Variants in PARD3B observed in about 807,000 individuals in gnomAD.
PARD3B encodes the protein par-3 family cell polarity regulator beta, also known as partitioning defective 3 homolog B.
Under a neutral mutation model 130.2 loss-of-function variants are expected in PARD3B, and 103 were observed. The observed-to-expected ratio is 0.79, with a 90% CI of 0.67 to 0.93. The LOEUF is 0.93. PARD3B is among the 40% of genes least tolerant of loss of function. The probability of loss-of-function intolerance (pLI) is 0.00; values close to 1 mark genes in which losing one functional copy is unlikely to be tolerated. For missense variants in PARD3B, 1,609 were observed against 1,499.2 expected (o/e 1.07, Z -1.21); for synonymous variants, 583 against 553.2 (o/e 1.05, Z -0.76).
intron 3 of PARD3B, among the ~76,000 whole-genome samples, chr2:205,039,368 G>T (rs1698234881): frequency 6.6e-6 from 1 of 152,134 alleles, no homozygotes; most frequent in Non-Finnish European, 1.5e-5. Flanking sequence ...GTGACCATGG[G>T]TTGATGTTTT....
chr2:205,054,436 A>ATTTTTTTT (rs769918623), intron 4 of PARD3B, among the ~76,000 whole-genome samples: 2 of 28,438 alleles, frequency 7.0e-5, no homozygotes, highest in South Asian at 2.7e-3. Context: ...ATATATATAT[A>ATTTTTTTT]TTTTTTTTTT....
chr2:204,854,978 T>C (rs2044863621), intron 2 of PARD3B, among the ~76,000 whole-genome samples: 1 of 152,052 alleles, frequency 6.6e-6, no homozygotes, highest in Non-Finnish European at 1.5e-5. Flanking sequence ...ATGCGCTGAA[T>C]TTTATAGTCA....
intron 2 of PARD3B, among the ~76,000 whole-genome samples, chr2:204,688,513 GAGGTTGC>G (rs1455397396): frequency 5.4e-5 from 8 of 148,338 alleles, no homozygotes; most frequent in Non-Finnish European, 1.2e-4. Context: ...CCAGGAGGCA[GAGGTTGC>G]AGTGAGCCAA....
intron 21 of PARD3B, among the ~76,000 whole-genome samples, chr2:205,547,590 G>C (rs2052432813): frequency 6.6e-6 from 1 of 152,106 alleles, no homozygotes. Flanking sequence ...GTTTTAGACT[G>C]CAGAGCCACA....
intron 1 of PARD3B, among the ~76,000 whole-genome samples, chr2:204,666,248 A>T (rs776328549): frequency 1.5e-4 from 23 of 152,224 alleles, no homozygotes; most frequent in Non-Finnish European, 2.8e-4. Context: ...GAACAAGGTA[A>T]TGGTGGGTGC....
At chr2:204,662,420 C>G (rs1443169917) in intron 1 of PARD3B, among the ~76,000 whole-genome samples, 4 of 152,126 alleles carry the variant, frequency 2.6e-5, no homozygotes, top group African/African-American at 7.2e-5. Flanking sequence ...TCAAGAAAAT[C>G]TTTGCCAAAT....
At chr2:204,700,832 G>C (rs1039818425) in intron 2 of PARD3B, among the ~76,000 whole-genome samples, 2 of 151,984 alleles carry the variant, frequency 1.3e-5, no homozygotes, top group Non-Finnish European at 2.9e-5. Context: ...AGGCACTTTT[G>C]TTTGTTTTTT....
intron 14 of PARD3B, among the ~76,000 whole-genome samples, chr2:205,192,078 T>C (rs1337928857): frequency 1.3e-5 from 2 of 152,188 alleles, no homozygotes; most frequent in Non-Finnish European, 2.9e-5. Context: ...ATTTATTCAT[T>C]TGGCAATACT....
At chr2:205,600,840 C>A (rs890297658) in intron 22 of PARD3B, among the ~76,000 whole-genome samples, 4 of 152,146 alleles carry the variant, frequency 2.6e-5, no homozygotes, top group African/African-American at 9.7e-5. Context: ...GATCTCATTC[C>A]TTTTTATGGC....
At chr2:204,752,223 G>A (rs973217334) in intron 2 of PARD3B, among the ~76,000 whole-genome samples, 2 of 152,080 alleles carry the variant, frequency 1.3e-5, no homozygotes, top group African/African-American at 2.4e-5. Flanking sequence ...GCCTTTGACT[G>A]TATTGCTTAC....
chr2:204,765,521 T>C (rs879613655), intron 2 of PARD3B, among the ~76,000 whole-genome samples: 6 of 152,134 alleles, frequency 3.9e-5, no homozygotes, highest in African/African-American at 1.4e-4. Context: ...ACAAGAAAAT[T>C]GTGTTATTTG....
chr2:205,550,951 A>ATATATATG lies in PARD3B; in HGVS notation c.3181-2372_3181-2371insATATATGT, dbSNP rs1553542788. ...TGTGTGTGTGTGTGTGTATATATAT[A>ATATATATG]TGTGTATATATATATATATATATAT... On this transcript the variant is annotated intron_variant, in intron 21 of 22. Coordinates refer to ENST00000406610, the MANE Select transcript of PARD3B (RefSeq NM_001302769.2). The surrounding 1 kb of genome is among the most constrained non-coding windows in gnomAD (Gnocchi z 4.5). Among the ~76,000 whole-genome samples the ATATATATG allele has an allele frequency of 1.3e-5, 1 of 77,578 alleles. No homozygotes were observed. Among genetic ancestry groups the ATATATATG allele is most frequent in the Non-Finnish European group, 2.9e-5 (1 of 34,748 alleles). 50.9% of individuals were successfully genotyped at this position (77,578 alleles called of 152,430 possible). A position where few individuals can be genotyped will look rare whatever the true frequency, so the allele number is the denominator to read the frequency against.
chr2:205,026,752 T>G (rs974001631), intron 3 of PARD3B, among the ~76,000 whole-genome samples: 3 of 152,182 alleles, frequency 2.0e-5, no homozygotes, highest in African/African-American at 7.2e-5. Flanking sequence ...TGTTTTAGAT[T>G]CTGCATATGA....
In PARD3B at chr2:205,325,191, A is replaced by G. The variant is rs1352673855; in HGVS notation, c.2630+23490A>G. 6.6e-6 allele frequency among the ~76,000 whole-genome samples: 1 copy of G among 152,082 alleles called. No homozygotes were observed. Among genetic ancestry groups the G allele is most frequent in the Admixed American group, 6.6e-5 (1 of 15,254 alleles). On this transcript the variant is annotated intron_variant, in intron 18 of 22. Transcript: ENST00000406610. This position sits in a 1 kb window ranked among gnomAD's most constrained non-coding sequence, Gnocchi z 4.1. ...CAAACATATATTTGATCTTCTACCA[A>G]AATTTTTGCTGTGGTTTCACAGTTT...
intron 22 of PARD3B, among the ~76,000 whole-genome samples, chr2:205,609,680 G>A (rs770907531): frequency 2.6e-5 from 4 of 152,122 alleles, no homozygotes; most frequent in African/African-American, 4.8e-5. Flanking sequence ...TGCCTAAGCC[G>A]GACATTCACA....
At chr2:205,214,695 A>G (rs182205201) in intron 15 of PARD3B, among the ~76,000 whole-genome samples, 28 of 152,196 alleles carry the variant, frequency 1.8e-4, no homozygotes, top group Admixed American at 1.8e-3. Context: ...GTCACCTCAT[A>G]TGCTAAGACA....
intron 5 of PARD3B, among the ~76,000 whole-genome samples, chr2:205,106,805 G>A (rs1703253934): frequency 6.6e-6 from 1 of 152,164 alleles, no homozygotes; most frequent in Non-Finnish European, 1.5e-5. Context: ...AGTAGAGTGA[G>A]TGCAATTCCC....
chr2:205,618,686 CT>C lies in PARD3B; in HGVS notation c.*2878del, dbSNP rs2055509159. ...ATTTTAAGAAGCCCTATTTTTCTCC[CT>C]TTTTGCAGGAGTAGAGAGATGAAAG... is the stretch of plus-strand genomic sequence containing the variant. On this transcript the variant is annotated 3_prime_UTR_variant, in exon 23 of 23. Transcript: ENST00000406610. 6.6e-6 allele frequency: 1 copy of C among 152,140 alleles called. No homozygotes were observed. The highest frequency in any genetic ancestry group is 6.6e-5 in the Admixed American group (1 of 15,264). 9.4% of individuals were successfully genotyped at this position (152,140 alleles called of 1,614,324 possible). A position where few individuals can be genotyped will look rare whatever the true frequency, so the allele number is the denominator to read the frequency against.
At position 205,553,380 on chromosome 2, in the gene PARD3B, G is replaced by A; in HGVS notation, c.3237G>A (p.Glu1079=). 1.2e-6 allele frequency: 2 copies of A among 1,614,048 alleles called. No homozygotes were observed. Among genetic ancestry groups the A allele is most frequent in the East Asian group, 2.2e-5 (1 of 44,870 alleles). ...ACAACCTCCGCTTTGAAGGGATGGA[G>A]AGGCAGTACGCATCCTTACCCAGGT... The part of the protein sequence containing the change: ...NAHNLRFEGM[E]RQYASLPRGG... Residue 1079 remains glutamate, a synonymous_variant, in exon 22 of 23, where the codon GAG becomes GAA. Transcript: ENST00000406610.
Sources: allele counts gnomAD v4.1 joint callset (sites outside exome capture counted in the v4.1 genomes callset), GRCh38; gene constraint gnomAD v4.1.1; non-coding constraint Gnocchi (gnomAD v3.1); transcripts MANE v1.5; gene names NCBI Gene and HGNC (gene_info 2026-07-23, HGNC 2026-07-21).